The following RAI1 variants were observed in gnomAD, a reference collection of about 807,000 sequenced individuals.
RAI1 encodes the protein retinoic acid-induced protein 1.
A neutral mutation model predicts 123.8 loss-of-function variants in RAI1; 9 were observed. The ratio of observed to expected loss-of-function variants is 0.07; its 90% CI spans 0.04 to 0.13. The LOEUF is 0.13. RAI1 is among the 10% of genes least tolerant of loss of function. RAI1 has a pLI of 1.00. For synonymous variants in RAI1, 1,231 were observed against 1,127.3 expected, an observed-to-expected ratio of 1.09 and a Z score of -1.84; for missense variants, 2,256 against 2,545.8, an observed-to-expected ratio of 0.89 and a Z score of 2.45.
intron 1 of RAI1, among the ~76,000 whole-genome samples, chr17:17,702,878 A>C (rs984480596): frequency 6.6e-6 from 1 of 152,200 alleles, no homozygotes; most frequent in Non-Finnish European, 1.5e-5. Context: ...TTAAGCCTCA[A>C]ACCCAGGGCT....
intron 2 of RAI1, among the ~76,000 whole-genome samples, chr17:17,786,406 C>T (rs1174673072): frequency 6.6e-6 from 1 of 152,192 alleles, no homozygotes; most frequent in African/African-American, 2.4e-5. Context: ...GGCAGAAATC[C>T]TTGCTCTCAT....
At position 17,752,494 on chromosome 17, in the gene RAI1, G is replaced by A. The variant is rs570780179; in HGVS notation, c.-17+28335G>A. Among the ~76,000 whole-genome samples the A allele has an allele frequency of 3.7e-3, 560 of 152,324 alleles. 7 individuals carry two copies. The highest frequency in any genetic ancestry group is 5.4e-3 in the Non-Finnish European group (367 of 68,014). On this transcript the variant is annotated intron_variant, in intron 2 of 5. Coordinates refer to ENST00000353383, the MANE Select transcript of RAI1 (RefSeq NM_030665.4). The stretch of plus-strand genomic sequence containing the variant: ...GGCTTCCGGAACAGCCGCCCCGGGA[G>A]CCTGGGATAGGGGTGAGTGCTCCTT...
Position 17,794,946 on chromosome 17 carries a change from C to T in RAI1, c.1998C>T (p.Ala666=). The T allele has an allele frequency of 1.9e-6, 3 of 1,613,748 alleles. No individual in the cohort carries two copies. Among genetic ancestry groups the T allele is most frequent in the Non-Finnish European group, 2.5e-6 (3 of 1,180,034 alleles). Residue 666 remains alanine (A), a synonymous_variant, in exon 3 of 6, where the codon GCC becomes GCT. Transcript: ENST00000353383. The part of the protein sequence containing the change: ...SAWPRPGEPE[A]LPDSLQLDKG... ...GGCCCCGGCCTGGGGAGCCGGAGGC[C>T]CTGCCCGACTCCTTGCAGCTGGACA...
At chr17:17,791,264 G>T (rs757410187) in intron 2 of RAI1, among the ~76,000 whole-genome samples, 6 of 152,326 alleles carry the variant, frequency 3.9e-5, no homozygotes, top group Middle Eastern at 3.4e-3. Context: ...CCCTGGGCTT[G>T]CCCTGCTCTC....
chr17:17,763,997 G>A (rs930517071), intron 2 of RAI1, among the ~76,000 whole-genome samples: 1 of 152,234 alleles, frequency 6.6e-6, no homozygotes, highest in African/African-American at 2.4e-5. Context: ...GCTTCCTAAA[G>A]CAGCATGTGG....
At chr17:17,687,724 C>G (rs1914687128) in intron 1 of RAI1, among the ~76,000 whole-genome samples, 1 of 152,092 alleles carries the variant, frequency 6.6e-6, no homozygotes, top group Non-Finnish European at 1.5e-5. Context: ...TGTGAACGGG[C>G]TTTGTTGTAA....
chr17:17,787,911 G>C (rs1431043586), intron 2 of RAI1, among the ~76,000 whole-genome samples: 1 of 152,144 alleles, frequency 6.6e-6, no homozygotes, highest in African/African-American at 2.4e-5. Context: ...GATGGTGTTG[G>C]GGGCTGTGAG....
chr17:17,722,672 G>C (rs907146460), intron 1 of RAI1, among the ~76,000 whole-genome samples: 1 of 152,208 alleles, frequency 6.6e-6, no homozygotes, highest in African/African-American at 2.4e-5. Flanking sequence ...GAATCATCGA[G>C]TCTCAGTTCT....
intron 1 of RAI1, among the ~76,000 whole-genome samples, chr17:17,694,691 G>A (rs1272672120): frequency 4.4e-4 from 67 of 151,418 alleles, no homozygotes; most frequent in Admixed American, 4.4e-3. Context: ...CACAGGCCGC[G>A]GTCGGGGCCC....
chr17:17,701,227 A>G (rs1348880263), intron 1 of RAI1, among the ~76,000 whole-genome samples: 1 of 152,190 alleles, frequency 6.6e-6, no homozygotes. Context: ...CACTGAGGCC[A>G]GTCTGCCTGA....
At chr17:17,765,385 C>T (rs897373808) in intron 2 of RAI1, among the ~76,000 whole-genome samples, 1 of 152,230 alleles carries the variant, frequency 6.6e-6, no homozygotes, top group African/African-American at 2.4e-5. Context: ...TCCTCCACCT[C>T]AGAATCCAGA....
chr17:17,741,837 G>C (rs186241259), intron 2 of RAI1, among the ~76,000 whole-genome samples: 5 of 152,254 alleles, frequency 3.3e-5, no homozygotes, highest in African/African-American at 1.2e-4. Flanking sequence ...CCAAGCTCAC[G>C]GCCGTTGCTT....
chr17:17,775,712 A>T (rs1009493832), intron 2 of RAI1, among the ~76,000 whole-genome samples: 3 of 151,910 alleles, frequency 2.0e-5, no homozygotes, highest in Admixed American at 6.6e-5. Context: ...TATTGAGTAG[A>T]CTGGGGCCAG....
chr17:17,793,720 G>T lies in RAI1; in HGVS notation c.772G>T (p.Ala258Ser). 6.2e-7 allele frequency: 1 copy of T among 1,612,844 alleles called. No homozygotes were observed. Among genetic ancestry groups the T allele is most frequent in the Non-Finnish European group, 8.5e-7 (1 of 1,179,996 alleles). The change falls in exon 3 of 6, where the codon GCC becomes TCC. Residue 258 changes from alanine (A) to serine (S), a missense_variant. Around this residue, in one of 7 missense-constraint regions of RAI1, gnomAD observed 336 missense variants for 349.8 expected, o/e 0.96. Transcript: ENST00000353383. ...GCCGCTGACTGCCAGCTCCAGCCTGGCCCCGGGGCAGCGGGTCCAGAATCT... is the reference window on the plus strand; with the variant it reads ...GCCGCTGACTGCCAGCTCCAGCCTGTCCCCGGGGCAGCGGGTCCAGAATCT... ...DRPLTASSSL[A>S]PGQRVQNLHA...
intron 2 of RAI1, among the ~76,000 whole-genome samples, chr17:17,785,145 T>C (rs1424645670): frequency 6.6e-6 from 1 of 152,202 alleles, no homozygotes; most frequent in East Asian, 1.9e-4. Flanking sequence ...ATCCAGACTG[T>C]AAGCTGAGCA....
At chr17:17,738,693 A>G (rs1916520046) in intron 2 of RAI1, among the ~76,000 whole-genome samples, 1 of 152,202 alleles carries the variant, frequency 6.6e-6, no homozygotes, top group Non-Finnish European at 1.5e-5. Flanking sequence ...GTCTGAGCTC[A>G]GGCAACCCAG....
chr17:17,723,591 A>C (rs768045349), intron 1 of RAI1, among the ~76,000 whole-genome samples: 37 of 137,138 alleles, frequency 2.7e-4, no homozygotes, highest in Admixed American at 4.5e-4. Context: ...GGTGACCCCG[A>C]GGCCCCGCGG....
intron 1 of RAI1, among the ~76,000 whole-genome samples, chr17:17,713,437 C>T (rs1286601635): frequency 6.6e-6 from 1 of 152,092 alleles, no homozygotes; most frequent in Non-Finnish European, 1.5e-5. Context: ...GTCAGGGGTT[C>T]GAGACCAGCC....
chr17:17,687,550 G>A (rs1345447945), intron 1 of RAI1, among the ~76,000 whole-genome samples: 6 of 152,274 alleles, frequency 3.9e-5, no homozygotes, highest in Admixed American at 3.9e-4. Flanking sequence ...GCCTCCTAGA[G>A]TTCCCTTCTT....
Sources: allele counts gnomAD v4.1 joint callset (sites outside exome capture counted in the v4.1 genomes callset), GRCh38; gene constraint gnomAD v4.1.1; regional missense constraint gnomAD v4.1.1; transcripts MANE v1.5; gene names NCBI Gene and HGNC (gene_info 2026-07-23, HGNC 2026-07-21).